The following ZNF821 variants were observed in gnomAD, a reference collection of about 807,000 sequenced individuals.
ZNF821 encodes the protein zinc finger protein 821.
ZNF821 carries 16 observed loss-of-function variants against 44.3 expected under a neutral mutation model. The observed-to-expected ratio is 0.36, with a 90% CI of 0.24 to 0.55. The LOEUF (loss-of-function observed/expected upper bound fraction) is 0.55. Ranked by LOEUF, ZNF821 falls within the 20% of genes least tolerant of loss-of-function variation. The pLI is 0.86. For missense variants in ZNF821, 436 were observed against 547.6 expected (o/e 0.80, Z 2.03); for synonymous variants, 204 against 197.6 (o/e 1.03, Z -0.27).
upstream of ZNF821, among the ~76,000 whole-genome samples, chr16:71,888,896 A>G (rs1178154289): frequency 6.6e-6 from 1 of 152,190 alleles, no homozygotes; most frequent in African/African-American, 2.4e-5. Flanking sequence ...ATGTATTGAT[A>G]AACTCCATAT....
intron 3 of ZNF821, among the ~76,000 whole-genome samples, chr16:71,874,121 G>C (rs2035544267): frequency 6.6e-6 from 1 of 151,930 alleles, no homozygotes; most frequent in Non-Finnish European, 1.5e-5. Flanking sequence ...ACCATGCCCA[G>C]CTAATTTTTG....
At chr16:71,893,029 CT>C (rs1199482590) in intron 1 of ZNF821, among the ~76,000 whole-genome samples, 74 of 65,916 alleles carry the variant, frequency 1.1e-3, no homozygotes, top group South Asian at 1.7e-3. Context: ...CCCTGCCTGG[CT>C]TTTTTTTTTT....
At chr16:71,862,076 C>T in intron 6 of ZNF821, 134 bp from the exon 7 acceptor site, 1 of 1,072,564 alleles carries the variant, frequency 9.3e-7, no homozygotes, top group South Asian at 1.6e-5. Context: ...TCTGTTTAGC[C>T]CCTAGAAAAG....
At chr16:71,870,498 T>TTC (rs1285223013) in intron 3 of ZNF821, among the ~76,000 whole-genome samples, 5 of 151,128 alleles carry the variant, frequency 3.3e-5, no homozygotes, top group Non-Finnish European at 7.4e-5. Flanking sequence ...TTTTTTTTTT[T>TTC]TTTTTAATAT....
chr16:71,891,611 C>A (rs1206286218), intron 1 of ZNF821: 1 of 152,164 alleles, frequency 6.6e-6, no homozygotes, highest in Non-Finnish European at 1.5e-5. Flanking sequence ...TGGTGGCGCA[C>A]GCCTGTAATC....
At chr16:71,892,210 A>AAAAAAAAAAAAAAT (rs2036890394) in intron 1 of ZNF821, among the ~76,000 whole-genome samples, 1 of 143,704 alleles carries the variant, frequency 7.0e-6, no homozygotes, top group Non-Finnish European at 1.5e-5. Context: ...AAAAAAAAAA[A>AAAAAAAAAAAAAAT]GAATCATGTC....
intron 3 of ZNF821, among the ~76,000 whole-genome samples, chr16:71,874,668 G>C (rs747779326): frequency 2.0e-5 from 3 of 152,060 alleles, no homozygotes; most frequent in Non-Finnish European, 4.4e-5. Flanking sequence ...TGGCCAGGCT[G>C]GTCTTGAATT....
chr16:71,872,351 C>T (rs968259253), intron 3 of ZNF821, among the ~76,000 whole-genome samples: 4 of 152,046 alleles, frequency 2.6e-5, no homozygotes, highest in Non-Finnish European at 5.9e-5. Context: ...CGGTGGCTCA[C>T]GCCTGTAATC....
chr16:71,865,689 C>A (rs747511547), intron 4 of ZNF821, among the ~76,000 whole-genome samples: 1 of 152,222 alleles, frequency 6.6e-6, no homozygotes, highest in Non-Finnish European at 1.5e-5. Flanking sequence ...ATCCGACTCA[C>A]TCGGTTCTTA....
intron 2 of ZNF821, chr16:71,881,222 C>G (rs1434645598): frequency 6.6e-6 from 1 of 152,118 alleles, no homozygotes; most frequent in Admixed American, 6.6e-5. Flanking sequence ...ATTTTGTACT[C>G]CAGTTAATGA....
intron 2 of ZNF821, chr16:71,881,203 G>A (rs889689226): frequency 6.6e-6 from 1 of 152,146 alleles, no homozygotes; most frequent in Non-Finnish European, 1.5e-5. Context: ...GGAGACTACT[G>A]CTAGCTATAT....
At chr16:71,894,839 T>C (rs1199176446) in intron 1 of ZNF821, 1 of 1,532,362 alleles carries the variant, frequency 6.5e-7, no homozygotes, top group Non-Finnish European at 8.7e-7. Flanking sequence ...GCGATAATGG[T>C]TTTCAAGTTA....
At chr16:71,864,687 G>A (rs1183566240) in intron 5 of ZNF821, 7 of 570,720 alleles carry the variant, frequency 1.2e-5, no homozygotes, top group Non-Finnish European at 2.2e-5. Context: ...AGAGAGCTGT[G>A]CACAGGCGCA....
chr16:71,888,656 T>C (rs1360050398), upstream of ZNF821, among the ~76,000 whole-genome samples: 1 of 152,192 alleles, frequency 6.6e-6, no homozygotes, highest in Non-Finnish European at 1.5e-5. Context: ...GCCACTATCA[T>C]ACAGTCTTGA....
chr16:71,872,598 G>A (rs2035337270), intron 3 of ZNF821, among the ~76,000 whole-genome samples: 1 of 152,158 alleles, frequency 6.6e-6, no homozygotes, highest in Non-Finnish European at 1.5e-5. Context: ...GGGCGACAGA[G>A]CGAGACTCCG....
chr16:71,864,302 G>C, intron 5 of ZNF821, 60 bp from the exon 6 acceptor site: 2 of 1,488,192 alleles, frequency 1.3e-6, no homozygotes. Flanking sequence ...CCCTGCCCCA[G>C]CTTTTTAAAC....
intron 1 of ZNF821, among the ~76,000 whole-genome samples, chr16:71,892,570 A>C (rs570046700): frequency 0.013 from 1,732 of 137,912 alleles, 13 homozygotes; most frequent in Non-Finnish European, 0.021. Flanking sequence ...GCCCGGCCAA[A>C]ATTTTTTTTT....
intron 3 of ZNF821, among the ~76,000 whole-genome samples, chr16:71,874,179 C>A (rs1408564263): frequency 6.6e-6 from 1 of 151,832 alleles, no homozygotes; most frequent in Non-Finnish European, 1.5e-5. Flanking sequence ...CCAGGCTGGT[C>A]TTGAACTCCT....
chr16:71,865,303 A>G (rs1293221265), intron 4 of ZNF821, among the ~76,000 whole-genome samples: 1 of 152,204 alleles, frequency 6.6e-6, no homozygotes. Flanking sequence ...CTACATGATT[A>G]TAAAAATAAT....
Sources: allele counts gnomAD v4.1 joint callset (sites outside exome capture counted in the v4.1 genomes callset), GRCh38; gene constraint gnomAD v4.1.1; transcripts MANE v1.5; gene names NCBI Gene and HGNC (gene_info 2026-07-23, HGNC 2026-07-21).